Variants in TMEM132C observed in about 807,000 individuals in gnomAD.
TMEM132C encodes the protein protein phosphatase 1, regulatory subunit 152.
Under a neutral mutation model 61.4 loss-of-function variants are expected in TMEM132C, and 29 were observed. That is an observed-to-expected ratio of 0.47 (90% CI 0.35 to 0.64). The LOEUF is 0.64. Ranked by LOEUF, TMEM132C falls within the 30% of genes least tolerant of loss-of-function variation. The pLI, the probability that TMEM132C is intolerant of heterozygous loss-of-function variation, is 0.00. For missense variants in TMEM132C, 1,408 were observed against 1,476.9 expected, an observed-to-expected ratio of 0.95 and a Z score of 0.76; for synonymous variants, 656 against 633.1, an observed-to-expected ratio of 1.04 and a Z score of -0.54.
chr12:128,616,384 C>CAGG, intron 4 of TMEM132C, 49 bp downstream of exon 4: 2 of 1,490,454 alleles, frequency 1.3e-6, no homozygotes, highest in Non-Finnish European at 1.8e-6. Flanking sequence ...CACCTGACTG[C>CAGG]ATCCTGTGTC....
chr12:128,314,645 G>A (rs533768508), intron 1 of TMEM132C, among the ~76,000 whole-genome samples: 1 of 152,146 alleles, frequency 6.6e-6, no homozygotes, highest in African/African-American at 2.4e-5. Flanking sequence ...TATAAGGAGA[G>A]GAGAGGAGAC....
intron 2 of TMEM132C, among the ~76,000 whole-genome samples, chr12:128,531,363 A>G (rs1873294661): frequency 6.6e-6 from 1 of 152,186 alleles, no homozygotes; most frequent in Non-Finnish European, 1.5e-5. Context: ...CAGAAGATGA[A>G]AAAGAGCGCT....
At position 128,326,882 on chromosome 12, in the gene TMEM132C, T is replaced by C. The variant is rs529121320; in HGVS notation, c.85+59395T>C. On this transcript the variant is annotated intron_variant, in intron 1 of 8. Coordinates refer to ENST00000435159, the MANE Select transcript of TMEM132C (RefSeq NM_001136103.3). The surrounding 1 kb of genome is among the most constrained non-coding windows in gnomAD (Gnocchi z 5.6). ...ATAAAGCAGAGGCTTTTGTTGTTGT[T>C]GTTAACATTGAACTTCCTTAATTCT... 2.0e-5 allele frequency among the ~76,000 whole-genome samples: 3 copies of C among 150,032 alleles called. No homozygotes were observed. The highest frequency in any genetic ancestry group is 2.0e-4 in the Admixed American group (3 of 15,232).
chr12:128,470,463 T>C (rs893782120), intron 2 of TMEM132C, among the ~76,000 whole-genome samples: 2 of 152,176 alleles, frequency 1.3e-5, no homozygotes, highest in Non-Finnish European at 2.9e-5. Flanking sequence ...CTCTGCTACC[T>C]CTCGGTCTTG....
intron 1 of TMEM132C, among the ~76,000 whole-genome samples, chr12:128,325,259 A>G (rs1205995194): frequency 6.6e-6 from 1 of 152,196 alleles, no homozygotes; most frequent in African/African-American, 2.4e-5. Flanking sequence ...CCCTAAATTC[A>G]ATGCCCAGAA....
intron 1 of TMEM132C, among the ~76,000 whole-genome samples, chr12:128,286,725 G>C (rs967350353): frequency 2.6e-5 from 4 of 151,332 alleles, no homozygotes; most frequent in Non-Finnish European, 5.9e-5. Flanking sequence ...AGTCACCTGA[G>C]GCCAAAGCAG....
intron 2 of TMEM132C, among the ~76,000 whole-genome samples, chr12:128,465,497 G>A (rs1057009847): frequency 2.6e-5 from 4 of 152,068 alleles, no homozygotes; most frequent in East Asian, 1.9e-4. Flanking sequence ...CACCACACCC[G>A]GCCTCTTCAT....
In TMEM132C at chr12:128,267,297, G is replaced by T; in HGVS notation, c.-106G>T. On this transcript the variant is annotated 5_prime_UTR_variant, in exon 1 of 9. Transcript: ENST00000435159. Reference sequence around the variant, plus strand: ...CAGCAGAGACGCAGCGGGCCCGGCCGACCGGGCTGCGGGAGTGGCCCCGGG... The same window carrying T: ...CAGCAGAGACGCAGCGGGCCCGGCCTACCGGGCTGCGGGAGTGGCCCCGGG... 4 of 718,550 alleles carry T rather than the reference G, an allele frequency of 5.6e-6. No individual in the cohort carries two copies. In the South Asian group the frequency reaches 2.4e-4, roughly 43 times the overall value. The allele number at this position is 718,550 out of a possible 1,614,324, so 44.5% of individuals were successfully genotyped here.
rs567785703 is a variant in TMEM132C, at chr12:128,407,597, C to A, written c.86-7135C>A. ...GATGCAGGATGGCCTCAGCTGGGAT[C>A]GCACCGCTCGCCTCCACATGGTCTC... On this transcript the variant is annotated intron_variant, in intron 1 of 8. Coordinates refer to ENST00000435159, the MANE Select transcript of TMEM132C (RefSeq NM_001136103.3). Among the ~76,000 whole-genome samples the A allele has an allele frequency of 4.6e-5, 7 of 152,282 alleles. No homozygotes were observed. In the South Asian group the frequency reaches 1.5e-3, roughly 32 times the overall value.
At chr12:128,334,320 C>G (rs373319562) in intron 1 of TMEM132C, among the ~76,000 whole-genome samples, 2 of 152,146 alleles carry the variant, frequency 1.3e-5, no homozygotes, top group Admixed American at 6.5e-5. Context: ...ACCATGTCCT[C>G]GAGATTCAAG....
chr12:128,658,795 G>T (rs542130928), intron 4 of TMEM132C, among the ~76,000 whole-genome samples: 4 of 152,318 alleles, frequency 2.6e-5, no homozygotes, highest in African/African-American at 9.6e-5. Context: ...ATTCCTCATA[G>T]GTCCAAACAT....
chr12:128,408,884 G>A (rs766967046), intron 1 of TMEM132C, among the ~76,000 whole-genome samples: 5 of 152,140 alleles, frequency 3.3e-5, no homozygotes, highest in African/African-American at 7.2e-5. Context: ...TGTCCCTGCC[G>A]GGAAAAGGAT....
intron 5 of TMEM132C, among the ~76,000 whole-genome samples, chr12:128,690,171 G>A (rs1954708963): frequency 6.6e-6 from 1 of 152,206 alleles, no homozygotes. Context: ...CTGGGCCATG[G>A]CTACCACGCA....
rs151143184 is a variant in TMEM132C, at chr12:128,545,519, T to A, written c.1121+1416T>A. ...GGGTTGGATGGTAGTTCTGAGTTCTTTGAGAAATCTCCAAACTACTTTCCA... is the reference window on the plus strand; with the variant it reads ...GGGTTGGATGGTAGTTCTGAGTTCTATGAGAAATCTCCAAACTACTTTCCA... On this transcript the variant is annotated intron_variant, in intron 3 of 8. Coordinates refer to ENST00000435159, the MANE Select transcript of TMEM132C (RefSeq NM_001136103.3). Among the ~76,000 whole-genome samples the A allele has an allele frequency of 3.7e-3, 557 of 152,364 alleles. 4 individuals carry two copies. The highest frequency in any genetic ancestry group is 0.013 in the African/African-American group (534 of 41,586).
chr12:128,485,623 G>A (rs1011191152), intron 2 of TMEM132C, among the ~76,000 whole-genome samples: 1 of 151,918 alleles, frequency 6.6e-6, no homozygotes, highest in Non-Finnish European at 1.5e-5. Context: ...TGGAGGCCAG[G>A]ATACTGCAAA....
At chr12:128,276,406 G>A (rs141809209) in intron 1 of TMEM132C, among the ~76,000 whole-genome samples, 2,314 of 152,298 alleles carry the variant, frequency 0.015, 22 homozygotes, top group Middle Eastern at 0.085. Flanking sequence ...CAAGTGTGAG[G>A]TGTTTGTTTA....
chr12:128,633,053 G>A (rs1259461087), intron 4 of TMEM132C, among the ~76,000 whole-genome samples: 1 of 152,188 alleles, frequency 6.6e-6, no homozygotes, highest in African/African-American at 2.4e-5. Context: ...GGTCTTTCAT[G>A]AGTTGCAGGT....
At chr12:128,486,023 T>A (rs985193318) in intron 2 of TMEM132C, among the ~76,000 whole-genome samples, 3 of 152,176 alleles carry the variant, frequency 2.0e-5, no homozygotes, top group Non-Finnish European at 2.9e-5. Context: ...CCATTCATAT[T>A]TAGGAGACGG....
chr12:128,675,828 A>C (rs1593144495), intron 5 of TMEM132C, among the ~76,000 whole-genome samples: 1 of 149,970 alleles, frequency 6.7e-6, no homozygotes, highest in East Asian at 2.0e-4. Flanking sequence ...TGGTAGATTT[A>C]GATAGATAGA....
Sources: gnomAD v4.1 joint callset for allele counts (sites outside exome capture counted in the v4.1 genomes callset) on GRCh38, gnomAD v4.1.1 for gene constraint, Gnocchi (gnomAD v3.1) non-coding constraint, MANE v1.5 for transcripts, NCBI Gene and HGNC (gene_info 2026-07-23, HGNC 2026-07-21) for gene names.